The following HMCN2 variants were observed in gnomAD, a reference collection of about 807,000 sequenced individuals.
The protein encoded by HMCN2 is hemicentin-2.
HMCN2 carries 325 observed loss-of-function variants against 377.5 expected under a neutral mutation model. The ratio of observed to expected loss-of-function variants is 0.86; its 90% confidence interval spans 0.79 to 0.94. The LOEUF is 0.94. Ranked by LOEUF, HMCN2 falls within the 40% of genes least tolerant of loss-of-function variation. The pLI is 0.00. For synonymous variants in HMCN2, 2,007 were observed against 2,046.8 expected (o/e 0.98, Z 0.53); for missense variants, 4,543 against 4,725.3 (o/e 0.96, Z 1.13).
chr9:130,291,116 C>T (rs560684808), intron 4 of HMCN2, among the ~76,000 whole-genome samples: 2 of 152,158 alleles, frequency 1.3e-5, no homozygotes, highest in African/African-American at 2.4e-5. Context: ...TTCCAGGAAG[C>T]GTTTCCCTTA....
chr9:130,405,267 A>G (rs987935776), intron 81 of HMCN2, among the ~76,000 whole-genome samples: 3 of 152,180 alleles, frequency 2.0e-5, no homozygotes, highest in Non-Finnish European at 4.4e-5. Flanking sequence ...TTGAACCTGG[A>G]CCTCGGTAGC....
intron 1 of HMCN2, among the ~76,000 whole-genome samples, chr9:130,277,814 T>C (rs542024884): frequency 0.026 from 629 of 24,222 alleles, 7 homozygotes; most frequent in Non-Finnish European, 0.033. Context: ...ACCACCACCA[T>C]CATCATCATC....
At chr9:130,430,940 GGGAGATTTTCAGGGGTGAA>G in intron 95 of HMCN2, 1 of 380,964 alleles carries the variant, frequency 2.6e-6, no homozygotes, top group Non-Finnish European at 4.7e-6. Context: ...CAGTCAGGGA[GGGAGATTTTCAGGGGTGAA>G]GGAGAATGTT....
chr9:130,412,607 C>T lies in HMCN2; in HGVS notation c.12961+1955C>T, dbSNP rs1424564571. Among the ~76,000 whole-genome samples the T allele has an allele frequency of 3.7e-5, 5 of 135,210 alleles. No individual in the cohort carries two copies. In the South Asian group the frequency reaches 1.2e-3, roughly 33 times the overall value. 88.7% of individuals were successfully genotyped at this position (135,210 alleles called of 152,430 possible). A position where few individuals can be genotyped will look rare whatever the true frequency, so the allele number is the denominator to read the frequency against. On this transcript the variant is annotated intron_variant, in intron 85 of 97. Transcript: ENST00000683500. ...TTTTAATATTTTTGGGACAGAGTCTCACTCTGGTGCCAAGGCTGGAGTGCA... is the reference window on the plus strand; with the variant it reads ...TTTTAATATTTTTGGGACAGAGTCTTACTCTGGTGCCAAGGCTGGAGTGCA...
Position 130,374,576 on chromosome 9 carries a change from C to A in HMCN2, c.7513C>A (p.Pro2505Thr). The A allele has an allele frequency of 1.0e-6, 1 of 985,778 alleles. No homozygotes were observed. The allele number at this position is 985,778 out of a possible 1,614,324, so 61.1% of individuals were successfully genotyped here. A position where few individuals can be genotyped will look rare whatever the true frequency, so the allele number is the denominator to read the frequency against. The change falls in exon 49 of 98, where the codon CCA (proline) becomes ACA (threonine). Residue 2505 changes from proline to threonine, a missense_variant. Around this residue, in one of 5 missense-constraint regions of HMCN2, gnomAD observed 736 missense variants for 773.2 expected, o/e 0.95. Coordinates refer to ENST00000683500, the MANE Select transcript of HMCN2 (RefSeq NM_001291815.2). ...TAGGGGAGATGCTCACCACATCTCCCCAGACGGAGTCCTCCTGCAGGTCCT... is the reference window on the plus strand; with the variant it reads ...TAGGGGAGATGCTCACCACATCTCCACAGACGGAGTCCTCCTGCAGGTCCT... ...LARGDAHHISPDGVLLQVLQA... is the reference protein window; with the variant it reads ...LARGDAHHISTDGVLLQVLQA...
Position 130,330,602 on chromosome 9 carries a change from A to AC in HMCN2, c.3359+3134dup, listed in dbSNP as rs1362506226. ...CTCTCTGAACTCCTAGGTATCTTCG[A>AC]CCCCCCCAAGTCAGCAAGTGCTCAC... On this transcript the variant is annotated intron_variant, in intron 22 of 97. Coordinates refer to ENST00000683500, the MANE Select transcript of HMCN2 (RefSeq NM_001291815.2). Among the ~76,000 whole-genome samples, 20 of 149,416 alleles carry AC rather than the reference A, an allele frequency of 1.3e-4. No homozygotes were observed. In the South Asian group the frequency reaches 1.7e-3, roughly 13 times the overall value.
chr9:130,304,969 G>C lies in HMCN2; in HGVS notation c.1783G>C (p.Val595Leu). The change falls in exon 11 of 98, where the codon GTC becomes CTC. Residue 595 changes from valine to leucine, a missense_variant. By Grantham distance (32) the Val-to-Leu change is conservative. Transcript: ENST00000683500. The surrounding 1 kb of genome is among the most constrained non-coding windows in gnomAD (Gnocchi z 4.3). The stretch of plus-strand genomic sequence containing the variant: ...GTGTGTGGCCAGCAATGCCAATGGG[G>C]TCACAAGGGCATCCGTCTGGCTCCT... ...YQCVASNANG[V>L]TRASVWLLVR... The C allele has an allele frequency of 2.1e-6, 1 of 471,072 alleles. No individual in the cohort carries two copies. 29.2% of individuals were successfully genotyped at this position (471,072 alleles called of 1,614,324 possible). A position where few individuals can be genotyped will look rare whatever the true frequency, so the allele number is the denominator to read the frequency against.
Position 130,269,718 on chromosome 9 carries a change from G to A in HMCN2, c.259+3581G>A, listed in dbSNP as rs370618092. 1.4e-4 allele frequency among the ~76,000 whole-genome samples: 21 copies of A among 147,682 alleles called. No homozygotes were observed. In the East Asian group the frequency reaches 2.7e-3, roughly 19 times the overall value. On this transcript the variant is annotated intron_variant, in intron 1 of 97. Transcript: ENST00000683500. ...TATTTTGTAAACTGTCAGTTTCTTT[G>A]CAAATTTTTTCATGGGAGTTTTAGT...
intron 97 of HMCN2, 169 bp downstream of exon 97, chr9:130,432,724 A>T: frequency 1.5e-6 from 1 of 673,082 alleles, no homozygotes; most frequent in East Asian, 2.7e-5. Context: ...ACGGGGACAC[A>T]GGAGCACACA....
chr9:130,360,536 G>T lies in HMCN2; in HGVS notation c.5882G>T (p.Gly1961Val). 1 of 1,304,190 alleles carries T rather than the reference G, an allele frequency of 7.7e-7. No individual in the cohort carries two copies. The highest frequency in any genetic ancestry group is 1.0e-6 in the Non-Finnish European group (1 of 988,932). 80.8% of individuals were successfully genotyped at this position (1,304,190 alleles called of 1,614,324 possible). ...GAGCAAGCCCAGCTTTCTGATGCTG[G>T]GAGCTACCGCTGTGTGGCATCCAAT... ...RIEQAQLSDA[G>V]SYRCVASNVA... The change falls in exon 38 of 98, where the codon GGG becomes GTG. Residue 1961 changes from glycine (G) to valine (V), a missense_variant. Gly to Val is a moderately radical substitution (Grantham distance 109). Around this residue, in one of 5 missense-constraint regions of HMCN2, gnomAD observed 1,032 missense variants for 1,285.1 expected, o/e 0.80. Transcript: ENST00000683500. This position sits in a 1 kb window ranked among gnomAD's most constrained non-coding sequence, Gnocchi z 4.7.
rs1839942678 is a variant in HMCN2 at position 130,354,928 on chromosome 9, C to G, written c.5030C>G (p.Thr1677Arg). 1.5e-6 allele frequency: 2 copies of G among 1,303,864 alleles called. No individual in the cohort carries two copies. Among genetic ancestry groups the G allele is most frequent in the Non-Finnish European group, 2.0e-6 (2 of 988,936 alleles). 80.8% of individuals were successfully genotyped at this position (1,303,864 alleles called of 1,614,324 possible). Residue 1677 changes from threonine to arginine, a missense_variant, in exon 32 of 98, where the codon ACA (threonine) becomes AGA (arginine). Thr to Arg is a moderately conservative substitution (Grantham distance 71). Coordinates refer to ENST00000683500, the MANE Select transcript of HMCN2 (RefSeq NM_001291815.2). The part of the protein sequence containing the change: ...VAESNESRLE[T>R]DGSVLRLESP... ...GAGAGCAACGAGTCGCGGCTGGAGACAGACGGGAGTGTGCTGAGGCTGGAG... is the reference window on the plus strand; with the variant it reads ...GAGAGCAACGAGTCGCGGCTGGAGAGAGACGGGAGTGTGCTGAGGCTGGAG...
rs752107435 is a variant in HMCN2 at position 130,352,958 on chromosome 9, AG to A, written c.4619del (p.Gly1540AlafsTer10). On this transcript the variant is annotated frameshift_variant, in exon 31 of 98. Coordinates refer to ENST00000683500, the MANE Select transcript of HMCN2 (RefSeq NM_001291815.2). LOFTEE classifies it high-confidence loss of function. ...CCACTATCTGGGGCTCCAACGAGAC[AG>A]GCGAGGTGGCCGTCATGGAGGACCA... ...PPTIWGSNET[G>X]EVAVMEDHLV... The A allele has an allele frequency of 2.8e-5, 37 of 1,298,990 alleles. No homozygotes were observed. The highest frequency in any genetic ancestry group is 3.7e-5 in the Non-Finnish European group (36 of 985,880). 80.5% of individuals were successfully genotyped at this position (1,298,990 alleles called of 1,614,324 possible).
At chr9:130,421,625 T>C (rs1263160309) in intron 86 of HMCN2, among the ~76,000 whole-genome samples, 1 of 152,172 alleles carries the variant, frequency 6.6e-6, no homozygotes, top group East Asian at 1.9e-4. Context: ...CGATCTCTTC[T>C]TCACTCCCCT....
At chr9:130,355,086 A>T (rs1343211294) in intron 32 of HMCN2, 42 bp downstream of exon 32, 1 of 1,229,456 alleles carries the variant, frequency 8.1e-7, no homozygotes, top group Non-Finnish European at 1.0e-6. Flanking sequence ...TGGGCTGTGG[A>T]CGTCTGCCCA....
At chr9:130,385,853 A>C (rs1841998159) in intron 60 of HMCN2, 91 bp downstream of exon 60, 1 of 902,732 alleles carries the variant, frequency 1.1e-6, no homozygotes, top group Non-Finnish European at 1.5e-6. Flanking sequence ...GGTGGGCAGG[A>C]TGTGAGTTGC....
At chr9:130,407,480 C>A (rs901370542) in intron 82 of HMCN2, 91 bp from the exon 83 acceptor site, 71 of 1,152,428 alleles carry the variant, frequency 6.2e-5, no homozygotes, top group Non-Finnish European at 2.9e-5. Context: ...TCTGTTTCTG[C>A]ATTTTTATTA....
Position 130,356,164 on chromosome 9 carries a change from G to T in HMCN2, c.5332G>T (p.Asp1778Tyr). 1.5e-6 allele frequency: 2 copies of T among 1,303,148 alleles called. No individual in the cohort carries two copies. The highest frequency in any genetic ancestry group is 2.0e-6 in the Non-Finnish European group (2 of 988,902). 80.7% of individuals were successfully genotyped at this position (1,303,148 alleles called of 1,614,324 possible). A position where few individuals can be genotyped will look rare whatever the true frequency, so the allele number is the denominator to read the frequency against. The change falls in exon 34 of 98, where the codon GAC becomes TAC. Residue 1778 changes from aspartate to tyrosine, a missense_variant. By Grantham distance (160) the Asp-to-Tyr change is radical. This residue lies in a region of HMCN2 where 1,032 missense variants were observed against 1,285.1 expected (regional missense o/e 0.80). Coordinates refer to ENST00000683500, the MANE Select transcript of HMCN2 (RefSeq NM_001291815.2). ...CTCGCAGGGGACCACACTGCACATT[G>T]ACCATGTGGAGCTGGACCACTCAGG... ...VASQGTTLHIDHVELDHSGLF... is the reference protein window; with the variant it reads ...VASQGTTLHIYHVELDHSGLF...
chr9:130,359,407 C>G lies in HMCN2; in HGVS notation c.5766C>G (p.Pro1922=). 1 of 1,301,540 alleles carries G rather than the reference C, an allele frequency of 7.7e-7. No individual in the cohort carries two copies. The highest frequency in any genetic ancestry group is 1.0e-6 in the Non-Finnish European group (1 of 986,738). 80.6% of individuals were successfully genotyped at this position (1,301,540 alleles called of 1,614,324 possible). The change falls in exon 37 of 98, where the codon CCC becomes CCG. Residue 1922 remains proline (P), a synonymous_variant. Coordinates refer to ENST00000683500, the MANE Select transcript of HMCN2 (RefSeq NM_001291815.2). ...VTLECLASGV[P]PPDVSWFKGH... ...TGGAGTGTCTGGCTTCGGGCGTGCCCCCTCCTGGTAAGACCCCTCCTCTTG... is the reference window on the plus strand; with the variant it reads ...TGGAGTGTCTGGCTTCGGGCGTGCCGCCTCCTGGTAAGACCCCTCCTCTTG...
Position 130,351,445 on chromosome 9 carries a change from C to CA in HMCN2, c.4454dup (p.His1485GlnfsTer21). 7.7e-7 allele frequency: 1 copy of CA among 1,304,218 alleles called. No homozygotes were observed. The highest frequency in any genetic ancestry group is 1.0e-6 in the Non-Finnish European group (1 of 988,904). 80.8% of individuals were successfully genotyped at this position (1,304,218 alleles called of 1,614,324 possible). A position where few individuals can be genotyped will look rare whatever the true frequency, so the allele number is the denominator to read the frequency against. On this transcript the variant is annotated frameshift_variant, in exon 30 of 98. Coordinates refer to ENST00000683500, the MANE Select transcript of HMCN2 (RefSeq NM_001291815.2). LOFTEE classifies it high-confidence loss of function. The surrounding 1 kb of genome is among the most constrained non-coding windows in gnomAD (Gnocchi z 5.4). ...CAGGCCTGTCCTTCCGGGAGGCCCTCACCTGCAGGTCCAGGAGGATGGCCA... is the reference window on the plus strand; with the variant it reads ...CAGGCCTGTCCTTCCGGGAGGCCCTCAACCTGCAGGTCCAGGAGGATGGCCA...
Sources: allele counts gnomAD v4.1 joint callset (sites outside exome capture counted in the v4.1 genomes callset), GRCh38; gene constraint gnomAD v4.1.1; regional missense constraint gnomAD v4.1.1; non-coding constraint Gnocchi (gnomAD v3.1); transcripts MANE v1.5; gene names NCBI Gene and HGNC (gene_info 2026-07-23, HGNC 2026-07-21).